GALK2: variants seen among roughly 807,000 people sequenced by gnomAD.
The protein encoded by GALK2 is galactokinase 2.
Under a neutral mutation model 52.4 loss-of-function variants are expected in GALK2, and 36 were observed. That is an observed-to-expected ratio of 0.69 (90% CI 0.53 to 0.91). The LOEUF is 0.91. Among genes scored for constraint, GALK2 ranks in the 40% least tolerant of loss-of-function variants. The probability of loss-of-function intolerance (pLI) is 0.00; values close to 1 mark genes in which losing one functional copy is unlikely to be tolerated. For missense variants in GALK2, 579 were observed against 559.1 expected (o/e 1.04, Z -0.36); for synonymous variants, 176 against 199.1 (o/e 0.88, Z 0.98).
chr15:49,288,977 A>G (rs2033662461), intron 7 of GALK2, among the ~76,000 whole-genome samples: 1 of 152,188 alleles, frequency 6.6e-6, no homozygotes. Context: ...TCCTTCTGGC[A>G]TATACTTCAT....
intron 9 of GALK2, among the ~76,000 whole-genome samples, chr15:49,325,738 G>A (rs1207084572): frequency 6.6e-6 from 1 of 152,188 alleles, no homozygotes; most frequent in Non-Finnish European, 1.5e-5. Context: ...TTTGAGCCCT[G>A]ATTTCAGACC....
At position 49,328,073 on chromosome 15, in the gene GALK2, A is replaced by AG. The variant is rs1305575274; in HGVS notation, c.1293dup (p.Ser432GlufsTer2). 1 of 1,614,108 alleles carries AG rather than the reference A, an allele frequency of 6.2e-7. No homozygotes were observed. Among genetic ancestry groups the AG allele is most frequent in the Admixed American group, 1.7e-5 (1 of 60,014 alleles). The stretch of plus-strand genomic sequence containing the variant: ...AAATGTGCACAAAGCTTATTACCAG[A>AG]GGAGTGATGGAAGCTTAGCACCGGA... On this transcript the variant is annotated frameshift_variant, in exon 10 of 10. Transcript: ENST00000560031. LOFTEE classifies it high-confidence loss of function.
intron 1 of GALK2, chr15:49,156,055 C>T (rs1385348067): frequency 1.2e-6 from 2 of 1,608,698 alleles, no homozygotes; most frequent in Admixed American, 1.7e-5. Flanking sequence ...GCATTTAGCC[C>T]ACACATTGCG....
At chr15:49,355,939 C>T (rs2043082895) in intron 3 of GALK2, among the ~76,000 whole-genome samples, 1 of 151,434 alleles carries the variant, frequency 6.6e-6, no homozygotes, top group South Asian at 2.1e-4. Context: ...CAATATTCAA[C>T]ATTCTTAAAG....
chr15:49,280,978 G>A (rs1240238408), intron 5 of GALK2, among the ~76,000 whole-genome samples: 2 of 152,040 alleles, frequency 1.3e-5, no homozygotes, highest in East Asian at 1.9e-4. Context: ...CTGTGACTAC[G>A]GGCATGCACC....
At chr15:49,301,635 T>TA (rs5812479) in intron 8 of GALK2, among the ~76,000 whole-genome samples, 22 of 148,322 alleles carry the variant, frequency 1.5e-4, no homozygotes, top group South Asian at 4.3e-4. Flanking sequence ...GATTCTAGCT[T>TA]AAAAAAAAAA....
chr15:49,297,288 G>T (rs968033225), intron 8 of GALK2, among the ~76,000 whole-genome samples: 2 of 151,914 alleles, frequency 1.3e-5, no homozygotes, highest in African/African-American at 4.8e-5. Flanking sequence ...TTTGTTTCTT[G>T]CTTGTTGATT....
chr15:49,215,969 G>A (rs2089333937), intron 2 of GALK2, among the ~76,000 whole-genome samples: 1 of 152,212 alleles, frequency 6.6e-6, no homozygotes. Flanking sequence ...GGTGCTCTAA[G>A]CCCAGGAATG....
At chr15:49,242,299 G>A (rs1335410902) in intron 5 of GALK2, among the ~76,000 whole-genome samples, 3 of 152,176 alleles carry the variant, frequency 2.0e-5, no homozygotes, top group Non-Finnish European at 2.9e-5. Context: ...ACTAGGAAGG[G>A]TTCTCTTGTG....
At chr15:49,274,971 CT>C (rs950285453) in intron 5 of GALK2, among the ~76,000 whole-genome samples, 30 of 148,774 alleles carry the variant, frequency 2.0e-4, no homozygotes, top group South Asian at 1.9e-3. Flanking sequence ...TTACAGTTAA[CT>C]TTTTTTTTTA....
At chr15:49,343,333 G>T (rs1373912734) in intron 3 of GALK2, among the ~76,000 whole-genome samples, 1 of 152,006 alleles carries the variant, frequency 6.6e-6, no homozygotes, top group African/African-American at 2.4e-5. Flanking sequence ...ACTTTCAAAT[G>T]TGTTTTGAAA....
At chr15:49,302,748 A>G (rs767939040) in intron 8 of GALK2, among the ~76,000 whole-genome samples, 1 of 152,222 alleles carries the variant, frequency 6.6e-6, no homozygotes, top group Non-Finnish European at 1.5e-5. Flanking sequence ...AGAAAGCTAG[A>G]CGAAACTCCA....
intron 5 of GALK2, among the ~76,000 whole-genome samples, chr15:49,276,589 C>T (rs192156244): frequency 6.6e-6 from 1 of 152,280 alleles, no homozygotes; most frequent in East Asian, 1.9e-4. Context: ...TGATTATAAT[C>T]CTTGGAGGAC....
At position 49,239,295 on chromosome 15, in the gene GALK2, C is replaced by G; in HGVS notation, c.432C>G (p.Leu144=). 6.2e-7 allele frequency: 1 copy of G among 1,614,134 alleles called. No individual in the cohort carries two copies. The highest frequency in any genetic ancestry group is 8.5e-7 in the Non-Finnish European group (1 of 1,179,994). ...VDGNIPPSSG[L]SSSSALVCCA... ...GAAATATCCCACCAAGTTCTGGCCT[C>G]TCCAGCTCCAGTGCTTTGGTCTGTT... The change falls in exon 5 of 10, where the codon CTC becomes CTG. Residue 144 remains leucine, a synonymous_variant. Coordinates refer to ENST00000560031, the MANE Select transcript of GALK2 (RefSeq NM_002044.4).
chr15:49,262,522 C>T (rs1048631005), intron 5 of GALK2, among the ~76,000 whole-genome samples: 2 of 152,146 alleles, frequency 1.3e-5, no homozygotes, highest in Non-Finnish European at 2.9e-5. Context: ...AAAACCAGCT[C>T]CTGGATTCAT....
intron 1 of GALK2, among the ~76,000 whole-genome samples, chr15:49,172,614 C>T (rs2085176998): frequency 6.6e-6 from 1 of 152,172 alleles, no homozygotes; most frequent in Non-Finnish European, 1.5e-5. Context: ...TCTTCAACCT[C>T]ACAAGGCACA....
intron 3 of GALK2, among the ~76,000 whole-genome samples, chr15:49,223,967 A>C (rs1305791240): frequency 1.3e-5 from 2 of 151,984 alleles, no homozygotes; most frequent in African/African-American, 4.8e-5. Context: ...GGAAACTCCA[A>C]ACTGCTTTCC....
intron 3 of GALK2, among the ~76,000 whole-genome samples, chr15:49,352,194 C>A (rs1386719605): frequency 1.3e-5 from 2 of 152,140 alleles, no homozygotes; most frequent in Admixed American, 6.6e-5. Context: ...GCAAGCATCC[C>A]AAAAGCAAGA....
At chr15:49,184,147 C>G (rs1339150814) in intron 1 of GALK2, among the ~76,000 whole-genome samples, 2 of 152,034 alleles carry the variant, frequency 1.3e-5, no homozygotes, top group African/African-American at 4.8e-5. Flanking sequence ...TTTGGATGCT[C>G]CAGTATAAGG....
Sources: gnomAD v4.1 joint callset for allele counts (sites outside exome capture counted in the v4.1 genomes callset) on GRCh38, gnomAD v4.1.1 for gene constraint, MANE v1.5 for transcripts, NCBI Gene and HGNC (gene_info 2026-07-23, HGNC 2026-07-21) for gene names.